MAP1LC3A: variants seen among roughly 807,000 people sequenced by gnomAD.
MAP1LC3A encodes the protein microtubule associated protein 1 light chain 3 alpha.
Under a neutral mutation model 15.2 loss-of-function variants are expected in MAP1LC3A, and 10 were observed. That is an observed-to-expected ratio of 0.66 (90% CI 0.41 to 1.12). MAP1LC3A has a LOEUF of 1.12. Ranked by LOEUF, MAP1LC3A falls within the 50% of genes most tolerant of loss-of-function variation. The pLI is 0.00. For missense variants in MAP1LC3A, 138 were observed against 167.3 expected (o/e 0.82, Z 0.97); for synonymous variants, 63 against 64.3 (o/e 0.98, Z 0.10).
chr20:34,552,408 A>G lies in MAP1LC3A; in HGVS notation c.52+2379A>G, dbSNP rs1329682450. 2.6e-5 allele frequency among the ~76,000 whole-genome samples: 4 copies of G among 152,268 alleles called. No homozygotes were observed. The East Asian group carries it at 7.7e-4, about 29-fold the overall frequency. ...GAAATGCCCAGAAAAATTATACAGC[A>G]TATTGGAAGGCCTCCCTGAGGAGAC... On this transcript the variant is annotated intron_variant, in intron 2 of 4. Coordinates refer to the MAP1LC3A transcript ENST00000374837.
chr20:34,551,303 T>C (rs1453871905), intron 2 of MAP1LC3A, among the ~76,000 whole-genome samples: 4 of 151,050 alleles, frequency 2.6e-5, no homozygotes, highest in South Asian at 2.1e-4. Flanking sequence ...CAAAACTTCA[T>C]GTTGAATTAA....
At chr20:34,554,608 A>C (rs1475216586), upstream of MAP1LC3A, among the ~76,000 whole-genome samples, 2 of 151,628 alleles carry the variant, frequency 1.3e-5, no homozygotes, top group South Asian at 4.2e-4. Context: ...TCTTAACCTC[A>C]TGATCCGCCT....
chr20:34,558,533 C>G, upstream of MAP1LC3A: 2 of 1,111,566 alleles, frequency 1.8e-6, no homozygotes, highest in Non-Finnish European at 2.2e-6. The surrounding 1 kb of genome is among the most constrained non-coding windows in gnomAD (Gnocchi z 4.3). Context: ...GGGAGAAGCT[C>G]CCGCGCTGCC....
At chr20:34,559,093 T>G in intron 1 of MAP1LC3A, 115 bp from the exon 2 acceptor site, 2 of 1,325,760 alleles carry the variant, frequency 1.5e-6, no homozygotes, top group Non-Finnish European at 2.0e-6. Context: ...TGGGGCCTGA[T>G]GGCCCCGGGG....
chr20:34,548,010 A>AG (rs1568608763), intron 1 of MAP1LC3A, among the ~76,000 whole-genome samples: 1 of 151,892 alleles, frequency 6.6e-6, no homozygotes, highest in African/African-American at 2.4e-5. Context: ...CAGACGAGGG[A>AG]GGGGGGTTCC....
intron 1 of MAP1LC3A, among the ~76,000 whole-genome samples, chr20:34,548,404 T>A (rs1349514195): frequency 6.6e-6 from 1 of 152,130 alleles, no homozygotes. Context: ...GGGCTTGAGG[T>A]CACGGAGGGA....
In MAP1LC3A at chr20:34,560,154, G is replaced by A. The variant is rs1283179549; in HGVS notation, c.*256G>A. 2 of 382,650 alleles carry A rather than the reference G, an allele frequency of 5.2e-6. No homozygotes were observed. Among genetic ancestry groups the A allele is most frequent in the Non-Finnish European group, 9.5e-6 (2 of 210,830 alleles). The allele number at this position is 382,650 out of a possible 1,614,324, so 23.7% of individuals were successfully genotyped here. On this transcript the variant is annotated 3_prime_UTR_variant, in exon 4 of 4. Transcript: ENST00000360668. Reference sequence around the variant, plus strand: ...GCAGCTCCCAGCACCCCTGCTGTGTGGTTCATCTTTTTTTTAGGCCCCTGC... The same window carrying A: ...GCAGCTCCCAGCACCCCTGCTGTGTAGTTCATCTTTTTTTTAGGCCCCTGC...
intron 1 of MAP1LC3A, among the ~76,000 whole-genome samples, chr20:34,549,348 G>C (rs1395681353): frequency 6.6e-6 from 1 of 152,158 alleles, no homozygotes; most frequent in Non-Finnish European, 1.5e-5. Context: ...CTGTAAACGG[G>C]AACTGCCAAT....
intron 2 of MAP1LC3A, among the ~76,000 whole-genome samples, chr20:34,553,376 G>C (rs1982020598): frequency 6.6e-6 from 1 of 152,040 alleles, no homozygotes; most frequent in South Asian, 2.1e-4. Context: ...GGGTGATGGG[G>C]CAGGGGAGGG....
chr20:34,548,557 G>C (rs1266019764), intron 1 of MAP1LC3A, among the ~76,000 whole-genome samples: 2 of 152,184 alleles, frequency 1.3e-5, no homozygotes, highest in African/African-American at 4.8e-5. Context: ...GCCCTGCATG[G>C]GCTGTGGGGT....
intron 1 of MAP1LC3A, among the ~76,000 whole-genome samples, chr20:34,547,439 T>TA (rs1165878008): frequency 6.8e-6 from 1 of 147,986 alleles, no homozygotes; most frequent in African/African-American, 2.5e-5. Flanking sequence ...TTTTTTTTTT[T>TA]AAATAGAGAC....
chr20:34,553,149 GT>G (rs1982010409), intron 2 of MAP1LC3A, among the ~76,000 whole-genome samples: 1 of 152,058 alleles, frequency 6.6e-6, no homozygotes, highest in Non-Finnish European at 1.5e-5. Flanking sequence ...ATATTGTGCC[GT>G]TGCACTCCCT....
At chr20:34,549,813 G>C (rs1231629866) in intron 1 of MAP1LC3A, 5 of 611,238 alleles carry the variant, frequency 8.2e-6, no homozygotes, top group Non-Finnish European at 1.5e-5. Context: ...GGTGATTTCA[G>C]CACTTCTGGT....
chr20:34,547,257 C>T (rs765781261), intron 1 of MAP1LC3A, among the ~76,000 whole-genome samples: 3 of 151,940 alleles, frequency 2.0e-5, no homozygotes, highest in African/African-American at 7.3e-5. Context: ...TGAACTCGGC[C>T]AGGTTAAGGC....
intron 1 of MAP1LC3A, among the ~76,000 whole-genome samples, chr20:34,548,904 C>T (rs1981842596): frequency 6.6e-6 from 1 of 152,072 alleles, no homozygotes. Context: ...CAGGGTTTCA[C>T]CATGTTGGCC....
Position 34,559,279 on chromosome 20 carries a change from C to G in MAP1LC3A, c.96+16C>G. 1 of 1,595,320 alleles carries G rather than the reference C, an allele frequency of 6.3e-7. No homozygotes were observed. Among genetic ancestry groups the G allele is most frequent in the Non-Finnish European group, 8.5e-7 (1 of 1,172,168 alleles). ...CAAAATCCCGGTGAGTCCCGCACCC[C>G]CAGCCCTGCCCCGCCCCCGCCTCGC... On this transcript the variant is annotated intron_variant, in intron 2 of 3. Coordinates refer to ENST00000360668, the MANE Select transcript of MAP1LC3A (RefSeq NM_032514.4).
upstream of MAP1LC3A, chr20:34,558,118 A>T: frequency 1.0e-6 from 1 of 984,604 alleles, no homozygotes; most frequent in Non-Finnish European, 1.2e-6. The surrounding 1 kb of genome is among the most constrained non-coding windows in gnomAD (Gnocchi z 4.3). Flanking sequence ...ATTCCCCATC[A>T]CCTGTCTCTC....
chr20:34,550,289 C>T (rs1981900650), intron 2 of MAP1LC3A, among the ~76,000 whole-genome samples: 2 of 152,230 alleles, frequency 1.3e-5, no homozygotes. Flanking sequence ...CTCCCCCAAC[C>T]TCTGCTGATC....
upstream of MAP1LC3A, among the ~76,000 whole-genome samples, chr20:34,554,745 T>C (rs1194176771): frequency 1.3e-5 from 2 of 152,056 alleles, no homozygotes; most frequent in African/African-American, 2.4e-5. Context: ...CTTGGCTCAC[T>C]ACAACCTCCA....
Sources: gnomAD v4.1 joint callset for allele counts (sites outside exome capture counted in the v4.1 genomes callset) on GRCh38, gnomAD v4.1.1 for gene constraint, Gnocchi (gnomAD v3.1) non-coding constraint, MANE v1.5 for transcripts, NCBI Gene and HGNC (gene_info 2026-07-23, HGNC 2026-07-21) for gene names.